The following B4GALT5 variants were observed in gnomAD, a reference collection of about 807,000 sequenced individuals.
B4GALT5 encodes UDP-Gal:beta-GlcNAc beta-1,4-galactosyltransferase 5.
In B4GALT5, 11 loss-of-function variants were observed where a neutral mutation model predicts 45.0. That is an observed-to-expected ratio of 0.24 (90% CI 0.15 to 0.40). B4GALT5 has a LOEUF of 0.40. Ranked by LOEUF, B4GALT5 falls within the 10% of genes least tolerant of loss-of-function variation. The pLI is 1.00. For missense variants in B4GALT5, 337 were observed against 500.2 expected, an observed-to-expected ratio of 0.67 and a Z score of 3.11; for synonymous variants, 185 against 182.9, an observed-to-expected ratio of 1.01 and a Z score of -0.09.
chr20:49,647,464 G>C (rs1310518023), intron 2 of B4GALT5, among the ~76,000 whole-genome samples: 3 of 151,982 alleles, frequency 2.0e-5, no homozygotes, highest in African/African-American at 7.3e-5. Context: ...CAGCCTCTAC[G>C]GCTGGTCGTG....
At chr20:49,677,624 C>T (rs190012585) in intron 1 of B4GALT5, among the ~76,000 whole-genome samples, 417 of 152,214 alleles carry the variant, frequency 2.7e-3, no homozygotes, top group Non-Finnish European at 2.6e-3. Flanking sequence ...GTTTTTCTTA[C>T]GCAGCTGAAA....
At chr20:49,666,832 C>A (rs1273195717) in intron 1 of B4GALT5, among the ~76,000 whole-genome samples, 1 of 152,132 alleles carries the variant, frequency 6.6e-6, no homozygotes, top group African/African-American at 2.4e-5. Context: ...CAACCTTACC[C>A]CCAAACAAGC....
intron 1 of B4GALT5, among the ~76,000 whole-genome samples, chr20:49,660,394 C>T (rs569116885): frequency 3.3e-5 from 5 of 152,296 alleles, no homozygotes; most frequent in African/African-American, 1.2e-4. Flanking sequence ...CTGCCATTTC[C>T]CAAACCAGAA....
intron 1 of B4GALT5, among the ~76,000 whole-genome samples, chr20:49,707,817 T>A (rs1477368218): frequency 6.6e-6 from 1 of 152,198 alleles, no homozygotes; most frequent in Admixed American, 6.5e-5. Flanking sequence ...TTTCACTATG[T>A]TGCCCAGGAT....
At chr20:49,695,691 G>C (rs192273179) in intron 1 of B4GALT5, among the ~76,000 whole-genome samples, 1 of 152,210 alleles carries the variant, frequency 6.6e-6, no homozygotes, top group Non-Finnish European at 1.5e-5. Context: ...GTGAGCCACC[G>C]GGCCCGGCCA....
chr20:49,699,889 C>T lies in B4GALT5; in HGVS notation c.115+13687G>A, dbSNP rs73267104. On this transcript the variant is annotated intron_variant, in intron 1 of 8. Transcript: ENST00000371711. ...GAACTTAAAGTCATTCCTCTGCTTA[C>T]CTGAGACAAATGCATAATCTCATCA... is the stretch of plus-strand genomic sequence containing the variant. Among the ~76,000 whole-genome samples, 1,398 of 152,282 alleles carry T rather than the reference C, an allele frequency of 9.2e-3. 21 individuals carry two copies. The highest frequency in any genetic ancestry group is 0.032 in the African/African-American group (1,339 of 41,552).
chr20:49,677,169 C>T (rs888658888), intron 1 of B4GALT5, among the ~76,000 whole-genome samples: 3 of 152,038 alleles, frequency 2.0e-5, no homozygotes, highest in Admixed American at 6.6e-5. Flanking sequence ...GGGGAACCAC[C>T]GGGAAACACA....
At chr20:49,636,762 G>A (rs888811214) in intron 8 of B4GALT5, among the ~76,000 whole-genome samples, 7 of 152,174 alleles carry the variant, frequency 4.6e-5, no homozygotes, top group Non-Finnish European at 1.5e-5. Context: ...GTCAGAGAGT[G>A]GGGAAGTGGG....
intron 1 of B4GALT5, among the ~76,000 whole-genome samples, chr20:49,697,589 T>C (rs1447623033): frequency 6.6e-6 from 1 of 151,954 alleles, no homozygotes; most frequent in African/African-American, 2.4e-5. Context: ...TTTTTTTTTT[T>C]TTAACAGAAA....
At chr20:49,686,038 G>A (rs1295998672) in intron 1 of B4GALT5, among the ~76,000 whole-genome samples, 1 of 152,124 alleles carries the variant, frequency 6.6e-6, no homozygotes, top group Non-Finnish European at 1.5e-5. Flanking sequence ...TGGGAAGGGA[G>A]TACTATAAAA....
intron 1 of B4GALT5, among the ~76,000 whole-genome samples, chr20:49,661,299 G>A (rs546634496): frequency 2.0e-4 from 30 of 152,160 alleles, no homozygotes; most frequent in African/African-American, 6.7e-4. Context: ...GTAGTGGCGC[G>A]TCTCGGCTCA....
At chr20:49,640,094 T>C (rs576789121) in intron 6 of B4GALT5, among the ~76,000 whole-genome samples, 1 of 152,184 alleles carries the variant, frequency 6.6e-6, no homozygotes, top group Non-Finnish European at 1.5e-5. Flanking sequence ...GTTTCATCAC[T>C]GTCCCCCGCA....
chr20:49,663,167 T>C (rs2055285930), intron 1 of B4GALT5, among the ~76,000 whole-genome samples: 2 of 152,318 alleles, frequency 1.3e-5, no homozygotes, highest in South Asian at 2.1e-4. Context: ...ACAGCTAATC[T>C]ACAACATAAA....
At chr20:49,708,830 G>A (rs1367349568) in intron 1 of B4GALT5, among the ~76,000 whole-genome samples, 1 of 151,804 alleles carries the variant, frequency 6.6e-6, no homozygotes, top group Admixed American at 6.6e-5. Flanking sequence ...AACTCAGGAG[G>A]CTGAGGCAGG....
At chr20:49,647,288 T>C (rs2085603190) in intron 2 of B4GALT5, among the ~76,000 whole-genome samples, 1 of 152,364 alleles carries the variant, frequency 6.6e-6, no homozygotes, top group Middle Eastern at 3.4e-3. Flanking sequence ...TTCCTATTCC[T>C]ATTGATTTTA....
At chr20:49,671,501 C>T (rs1365421330) in intron 1 of B4GALT5, among the ~76,000 whole-genome samples, 1 of 152,132 alleles carries the variant, frequency 6.6e-6, no homozygotes, top group Non-Finnish European at 1.5e-5. Context: ...ATACTACATA[C>T]AGTATATCAC....
At chr20:49,646,933 A>C in intron 3 of B4GALT5, 32 bp downstream of exon 3, 1 of 1,412,070 alleles carries the variant, frequency 7.1e-7, no homozygotes, top group Non-Finnish European at 9.9e-7. Context: ...CCATTTTAAA[A>C]GCAGAGGAAG....
chr20:49,693,579 G>A (rs1049321970), intron 1 of B4GALT5, among the ~76,000 whole-genome samples: 2 of 152,154 alleles, frequency 1.3e-5, no homozygotes, highest in Non-Finnish European at 1.5e-5. Flanking sequence ...GACTAATAGG[G>A]AAGCTCTCTA....
rs1456082023 is a variant in B4GALT5 at position 49,635,951 on chromosome 20, C to T, written c.*361G>A. On this transcript the variant is annotated 3_prime_UTR_variant, in exon 9 of 9. Coordinates refer to ENST00000371711, the MANE Select transcript of B4GALT5 (RefSeq NM_004776.4). ...AGGTCATGTGTAGGGACAGGCTCCA[C>T]GGCAGGACCACGGCAGGACCACGGC... The T allele has an allele frequency of 9.4e-6, 2 of 211,874 alleles. No individual in the cohort carries two copies. The highest frequency in any genetic ancestry group is 1.5e-4 in the East Asian group (1 of 6,700). The allele number at this position is 211,874 out of a possible 1,614,324, so 13.1% of individuals were successfully genotyped here.
Sources: allele counts gnomAD v4.1 joint callset (sites outside exome capture counted in the v4.1 genomes callset), GRCh38; gene constraint gnomAD v4.1.1; transcripts MANE v1.5; gene names NCBI Gene and HGNC (gene_info 2026-07-23, HGNC 2026-07-21).